Variants in DRC11L observed in about 807,000 individuals in gnomAD.
DRC11L encodes dynein regulatory complex subunit 11 like.
chr7:151,194,812 T>A, the DRC11L span, among the ~76,000 whole-genome samples: 26,786 of 152,066 alleles, frequency 0.18, 2,569 homozygotes, highest in Non-Finnish European at 0.22. Flanking sequence ...GAGGCAAGCC[T>A]CCCCCAGTGG....
chr7:151,191,455 G>A, the DRC11L span, among the ~76,000 whole-genome samples: 3 of 152,198 alleles, frequency 2.0e-5, no homozygotes, highest in Non-Finnish European at 4.4e-5. Context: ...CAGGTGGGAC[G>A]GCCCCGAAGC....
chr7:151,197,905 C>A, the DRC11L span: 1 of 399,030 alleles, frequency 2.5e-6, no homozygotes, highest in South Asian at 1.3e-4. Context: ...CCAGTAAGGT[C>A]ACTAAGTGAA....
the DRC11L span, chr7:151,195,330 G>T: frequency 2.5e-6 from 1 of 398,732 alleles, no homozygotes; most frequent in Non-Finnish European, 4.4e-6. Flanking sequence ...CTTTCCCAAG[G>T]TCTCACAGCA....
the DRC11L span, chr7:151,203,211 A>G: frequency 5.0e-6 from 2 of 398,280 alleles, no homozygotes; most frequent in Non-Finnish European, 8.8e-6. Context: ...CTCCCAGAGT[A>G]TCTGGGAGGC....
the DRC11L span, chr7:151,205,333 G>A: frequency 0.11 from 44,847 of 398,826 alleles, 3,102 homozygotes; most frequent in Non-Finnish European, 0.14. Flanking sequence ...AGCAGCAGCT[G>A]GGGTGGCCCA....
chr7:151,201,642 G>A, the DRC11L span, among the ~76,000 whole-genome samples: 1 of 152,188 alleles, frequency 6.6e-6, no homozygotes, highest in Non-Finnish European at 1.5e-5. This position sits in a 1 kb window ranked among gnomAD's most constrained non-coding sequence, Gnocchi z 4.1. Context: ...GAAGTTCTAA[G>A]TTTTCTCTAG....
chr7:151,196,744 G>T, the DRC11L span, among the ~76,000 whole-genome samples: 1 of 152,190 alleles, frequency 6.6e-6, no homozygotes, highest in African/African-American at 2.4e-5. Flanking sequence ...TACCCAGACG[G>T]CAAATAGGCT....
chr7:151,204,763 C>G, the DRC11L span: 4 of 398,934 alleles, frequency 1.0e-5, no homozygotes, highest in Admixed American at 4.4e-5. Context: ...GGCGCAGGTT[C>G]GAGCAGAAGC....
the DRC11L span, among the ~76,000 whole-genome samples, chr7:151,197,524 G>A: frequency 6.6e-6 from 1 of 152,298 alleles, no homozygotes; most frequent in East Asian, 1.9e-4. Context: ...GGGGTCCAAG[G>A]AGAAAGGGTG....
At chr7:151,202,530 A>T in the DRC11L span, among the ~76,000 whole-genome samples, 1 of 152,210 alleles carries the variant, frequency 6.6e-6, no homozygotes, top group Non-Finnish European at 1.5e-5. Flanking sequence ...ATGCTTGCTG[A>T]CTGATTAAAG....
At chr7:151,195,402 CAA>C in the DRC11L span, 2 of 398,974 alleles carry the variant, frequency 5.0e-6, no homozygotes, top group African/African-American at 2.1e-5. Flanking sequence ...CACCACCATG[CAA>C]AGTGGGCACG....
chr7:151,196,922 G>A, the DRC11L span: 4 of 399,030 alleles, frequency 1.0e-5, no homozygotes, highest in African/African-American at 2.1e-5. Context: ...CCAGGACCCA[G>A]GGCCCCAGGT....
chr7:151,202,959 A>G, the DRC11L span: 1 of 399,778 alleles, frequency 2.5e-6, no homozygotes, highest in Non-Finnish European at 4.4e-6. Context: ...TGTGCCATCC[A>G]TCCTCCCGAA....
At chr7:151,200,603 C>T in the DRC11L span, 1 of 396,760 alleles carries the variant, frequency 2.5e-6, no homozygotes, top group Non-Finnish European at 4.4e-6. Flanking sequence ...TGCTCAGGTG[C>T]ACACTGAGCA....
the DRC11L span, chr7:151,196,071 A>T: frequency 4.2e-6 from 1 of 238,230 alleles, no homozygotes; most frequent in Non-Finnish European, 8.1e-6. Context: ...AGATCACATG[A>T]CTGAACACTC....
the DRC11L span, among the ~76,000 whole-genome samples, chr7:151,195,251 G>C: frequency 6.6e-6 from 1 of 152,052 alleles, no homozygotes; most frequent in Non-Finnish European, 1.5e-5. Flanking sequence ...TGATCCCCAC[G>C]GCTATCACCT....
chr7:151,197,928 G>T, the DRC11L span: 1 of 398,710 alleles, frequency 2.5e-6, no homozygotes, highest in East Asian at 3.6e-5. Flanking sequence ...AAAGATGATT[G>T]GACAGAAAGA....
the DRC11L span, among the ~76,000 whole-genome samples, chr7:151,194,961 G>A: frequency 6.6e-6 from 1 of 152,158 alleles, no homozygotes; most frequent in East Asian, 1.9e-4. Flanking sequence ...CATTTAAGAC[G>A]TGAGTGCTCC....
At chr7:151,193,567 T>C in the DRC11L span, 1 of 399,128 alleles carries the variant, frequency 2.5e-6, no homozygotes, top group Non-Finnish European at 4.4e-6. Flanking sequence ...CTGCGTAAGG[T>C]CAGGCCAAGG....
Sources: allele counts gnomAD v4.1 joint callset (sites outside exome capture counted in the v4.1 genomes callset), GRCh38; gene constraint gnomAD v4.1.1; non-coding constraint Gnocchi (gnomAD v3.1); transcripts MANE v1.5; gene names NCBI Gene and HGNC (gene_info 2026-07-23, HGNC 2026-07-21).